SRFBP1: variants seen among roughly 807,000 people sequenced by gnomAD.
SRFBP1 encodes the protein serum response factor binding protein 1.
Under a neutral mutation model 45.5 loss-of-function variants are expected in SRFBP1, and 47 were observed. The ratio of observed to expected loss-of-function variants is 1.03; its 90% confidence interval spans 0.82 to 1.32. The LOEUF (loss-of-function observed/expected upper bound fraction) is 1.32. SRFBP1 is among the 40% of genes most tolerant of loss of function. The probability of loss-of-function intolerance (pLI) is 0.00; values close to 1 mark genes in which losing one functional copy is unlikely to be tolerated. For synonymous variants in SRFBP1, 203 were observed against 166.3 expected (o/e 1.22, Z -1.70); for missense variants, 621 against 484.6 (o/e 1.28, Z -2.64).
At chr5:122,061,606 T>C (rs552629564) in intron 2 of SRFBP1, among the ~76,000 whole-genome samples, 18 of 152,154 alleles carry the variant, frequency 1.2e-4, no homozygotes, top group African/African-American at 4.3e-4. Flanking sequence ...TAATTTTAAG[T>C]ATACAAAATG....
intron 2 of SRFBP1, 53 bp downstream of exon 2, chr5:121,974,337 T>A: frequency 7.8e-7 from 1 of 1,286,274 alleles, no homozygotes; most frequent in Non-Finnish European, 1.1e-6. Context: ...AAAAGTTGTT[T>A]TTATTTGATA....
intron 3 of SRFBP1, among the ~76,000 whole-genome samples, chr5:121,986,396 C>A (rs1383555787): frequency 6.6e-6 from 1 of 151,978 alleles, no homozygotes; most frequent in Non-Finnish European, 1.5e-5. Flanking sequence ...AAATAAAGAG[C>A]ATTTGGAGAT....
chr5:122,000,593 C>G (rs1656461447), intron 4 of SRFBP1, among the ~76,000 whole-genome samples: 1 of 152,044 alleles, frequency 6.6e-6, no homozygotes, highest in South Asian at 2.1e-4. Context: ...TCTTTCTGCA[C>G]TTTGTCATCT....
chr5:121,994,560 G>A (rs748736175), intron 3 of SRFBP1, 39 bp from the exon 4 acceptor site: 1 of 1,336,488 alleles, frequency 7.5e-7, no homozygotes, highest in Non-Finnish European at 1.1e-6. Context: ...GATAAAAATA[G>A]ACACATAACT....
chr5:122,007,358 C>T (rs573581463), intron 4 of SRFBP1, among the ~76,000 whole-genome samples: 6 of 149,626 alleles, frequency 4.0e-5, no homozygotes, highest in African/African-American at 1.5e-4. Flanking sequence ...ACTCTGGATC[C>T]TCTAGAGCCT....
chr5:121,979,769 G>C (rs1231936687), intron 3 of SRFBP1, among the ~76,000 whole-genome samples: 3 of 152,108 alleles, frequency 2.0e-5, no homozygotes, highest in Admixed American at 1.3e-4. Context: ...TTCCAGCCCA[G>C]AGTCTCCAAA....
chr5:121,986,005 C>G (rs945095752), intron 3 of SRFBP1, among the ~76,000 whole-genome samples: 1 of 151,610 alleles, frequency 6.6e-6, no homozygotes, highest in African/African-American at 2.4e-5. Context: ...GGGAGATGTT[C>G]ACATATATAT....
intron 2 of SRFBP1, among the ~76,000 whole-genome samples, chr5:122,073,272 C>T (rs1473773783): frequency 3.9e-5 from 6 of 152,098 alleles, no homozygotes; most frequent in Non-Finnish European, 7.3e-5. Context: ...TTAACTGACA[C>T]GCATTTTCCA....
chr5:122,029,722 T>TA (rs1399777674), downstream of SRFBP1, among the ~76,000 whole-genome samples: 2 of 152,222 alleles, frequency 1.3e-5, no homozygotes, highest in South Asian at 2.1e-4. Flanking sequence ...TTCTGTCAGT[T>TA]ACGGTTATCC....
intron 4 of SRFBP1, among the ~76,000 whole-genome samples, chr5:122,009,370 C>T (rs1753042965): frequency 6.6e-6 from 1 of 152,036 alleles, no homozygotes; most frequent in Non-Finnish European, 1.5e-5. Flanking sequence ...GATACAATTT[C>T]CTCATTTTAA....
chr5:121,991,768 T>C (rs1177549461), intron 3 of SRFBP1, among the ~76,000 whole-genome samples: 4 of 152,168 alleles, frequency 2.6e-5, no homozygotes, highest in African/African-American at 4.8e-5. Flanking sequence ...CCATATTTGC[T>C]AAACACAATT....
intron 2 of SRFBP1, among the ~76,000 whole-genome samples, chr5:122,042,857 A>G (rs995341624): frequency 3.3e-5 from 5 of 152,112 alleles, no homozygotes; most frequent in African/African-American, 9.7e-5. Context: ...AAAGGTATGT[A>G]TTTTCTTAAA....
intron 1 of SRFBP1, among the ~76,000 whole-genome samples, chr5:121,969,490 C>T (rs2112813333): frequency 6.6e-6 from 1 of 152,068 alleles, no homozygotes; most frequent in East Asian, 1.9e-4. Flanking sequence ...TATGTTGACT[C>T]TTCTGAGTCA....
chr5:122,069,039 C>T (rs962055121), intron 2 of SRFBP1, among the ~76,000 whole-genome samples: 8 of 152,086 alleles, frequency 5.3e-5, no homozygotes, highest in African/African-American at 1.7e-4. Flanking sequence ...ATGTATGTGA[C>T]TCTGTTTTTT....
chr5:122,020,571 G>C lies in SRFBP1; in HGVS notation c.836G>C (p.Ser279Thr). Residue 279 changes from serine to threonine, a missense_variant, in exon 6 of 8, where the codon AGT becomes ACT. Coordinates refer to ENST00000339397, the MANE Select transcript of SRFBP1 (RefSeq NM_152546.3). ...AAGCAGTCTTCCATGTCTGAAGATAGTGATAGCGGTGACGACTTCTTCATT... is the reference window on the plus strand; with the variant it reads ...AAGCAGTCTTCCATGTCTGAAGATACTGATAGCGGTGACGACTTCTTCATT... The part of the protein sequence containing the change: ...FYKQSSMSED[S>T]DSGDDFFIGK... 2 of 1,614,070 alleles carry C rather than the reference G, an allele frequency of 1.2e-6. No homozygotes were observed. The highest frequency in any genetic ancestry group is 1.1e-5 in the South Asian group (1 of 91,050).
chr5:122,038,922 G>A (rs980189031), intron 2 of SRFBP1, among the ~76,000 whole-genome samples: 1 of 152,004 alleles, frequency 6.6e-6, no homozygotes, highest in Non-Finnish European at 1.5e-5. Context: ...AAACCCCAAG[G>A]AGGGTACACT....
chr5:122,012,741 T>C (rs75551921), intron 4 of SRFBP1, among the ~76,000 whole-genome samples: 1,548 of 152,270 alleles, frequency 0.01, 27 homozygotes, highest in African/African-American at 0.035. Flanking sequence ...TTTAATTCAA[T>C]GAAAGCCTCA....
chr5:122,049,535 A>T (rs1486328861), intron 2 of SRFBP1, among the ~76,000 whole-genome samples: 1 of 151,652 alleles, frequency 6.6e-6, no homozygotes, highest in Non-Finnish European at 1.5e-5. Flanking sequence ...CCTAATAGAC[A>T]TCTACAGAAC....
chr5:121,993,168 AT>A (rs1226781719), intron 3 of SRFBP1, among the ~76,000 whole-genome samples: 1 of 152,084 alleles, frequency 6.6e-6, no homozygotes, highest in Non-Finnish European at 1.5e-5. Context: ...TATTTTGTTG[AT>A]TTTGAACCTT....
Sources: gnomAD v4.1 joint callset for allele counts (sites outside exome capture counted in the v4.1 genomes callset) on GRCh38, gnomAD v4.1.1 for gene constraint, MANE v1.5 for transcripts, NCBI Gene and HGNC (gene_info 2026-07-23, HGNC 2026-07-21) for gene names.